The following DOCK4 variants were observed in gnomAD, a reference collection of about 807,000 sequenced individuals.
DOCK4 encodes dedicator of cytokinesis protein 4.
In DOCK4, 97 loss-of-function variants were observed where a neutral mutation model predicts 268.1. The observed-to-expected ratio is 0.36, with a 90% CI of 0.31 to 0.43. DOCK4 has a LOEUF of 0.43. DOCK4 is among the 20% of genes least tolerant of loss of function. The pLI, the probability that DOCK4 is intolerant of heterozygous loss-of-function variation, is 1.00. For missense variants in DOCK4, 2,145 were observed against 2,455.7 expected (o/e 0.87, Z 2.67); for synonymous variants, 954 against 887.2 (o/e 1.08, Z -1.34).
At chr7:112,174,158 C>A (rs1586974905) in intron 1 of DOCK4, among the ~76,000 whole-genome samples, 2 of 152,260 alleles carry the variant, frequency 1.3e-5, no homozygotes, top group East Asian at 3.9e-4. Context: ...ACCTTCAACT[C>A]TTTGGTCGGC....
rs1808699181 is a variant in DOCK4 at position 111,895,810 on chromosome 7, T to C, written c.1481-92A>G. The C allele has an allele frequency of 7.0e-6, 8 of 1,149,850 alleles. No individual in the cohort carries two copies. In the South Asian group the frequency reaches 8.9e-5, roughly 13 times the overall value. The allele number at this position is 1,149,850 out of a possible 1,614,324, so 71.2% of individuals were successfully genotyped here. A position where few individuals can be genotyped will look rare whatever the true frequency, so the allele number is the denominator to read the frequency against. On this transcript the variant is annotated intron_variant, in intron 15 of 52. Transcript: ENST00000428084. ...CATAATCATCGAGAAATATAACTCA[T>C]ACACAACAGTTCCCACTACACAATG...
At chr7:112,054,386 T>G (rs895462948) in intron 1 of DOCK4, among the ~76,000 whole-genome samples, 1 of 152,142 alleles carries the variant, frequency 6.6e-6, no homozygotes, top group Admixed American at 6.5e-5. Context: ...CATGTATCTT[T>G]ACCACAACTG....
chr7:111,827,496 T>C (rs963843584), intron 26 of DOCK4, among the ~76,000 whole-genome samples: 1 of 151,960 alleles, frequency 6.6e-6, no homozygotes, highest in East Asian at 1.9e-4. Flanking sequence ...TGAGAGTGCA[T>C]TATTGCACGC....
chr7:112,204,420 TC>T (rs770340447), intron 1 of DOCK4, among the ~76,000 whole-genome samples: 1 of 152,134 alleles, frequency 6.6e-6, no homozygotes, highest in Non-Finnish European at 1.5e-5. Context: ...TGCCCTCGGG[TC>T]CCTCACCAGT....
chr7:112,190,909 T>C (rs2523026), intron 1 of DOCK4, among the ~76,000 whole-genome samples: 5,093 of 152,168 alleles, frequency 0.033, 281 homozygotes, highest in African/African-American at 0.12. Context: ...TCTCTGAGCA[T>C]AGATGAAGCA....
chr7:111,788,715 G>C lies in DOCK4; in HGVS notation c.3348C>G (p.Ser1116Arg). Residue 1116 changes from serine to arginine, a missense_variant, in exon 32 of 53, where the codon AGC becomes AGG. Around this residue, in one of 2 missense-constraint regions of DOCK4, gnomAD observed 1,598 missense variants for 1,986.7 expected, o/e 0.80. Coordinates refer to ENST00000428084, the MANE Select transcript of DOCK4 (RefSeq NM_001363540.2). ...CGTCACCTTTGCCTTCTGACATCAG[G>C]CTATCCAGTTTGTCAATTAGCTTGG... ...VEAKLIDKLDSLMSEGKGDET... is the reference protein window; with the variant it reads ...VEAKLIDKLDRLMSEGKGDET... 1 of 1,593,612 alleles carries C rather than the reference G, an allele frequency of 6.3e-7. No homozygotes were observed. The highest frequency in any genetic ancestry group is 8.6e-7 in the Non-Finnish European group (1 of 1,168,804).
At chr7:111,926,190 T>A (rs1793637834) in intron 12 of DOCK4, among the ~76,000 whole-genome samples, 2 of 136,812 alleles carry the variant, frequency 1.5e-5, no homozygotes, top group Admixed American at 7.4e-5. Flanking sequence ...GCGGGCAAGG[T>A]GGGCAGATCA....
rs952577211 is a variant in DOCK4, at chr7:112,164,119, C to T, written c.37+41983G>A. Among the ~76,000 whole-genome samples, 4 of 152,096 alleles carry T rather than the reference C, an allele frequency of 2.6e-5. 1 individual carries two copies. In the South Asian group the frequency reaches 6.2e-4, roughly 24 times the overall value. On this transcript the variant is annotated intron_variant, in intron 1 of 52. Coordinates refer to ENST00000428084, the MANE Select transcript of DOCK4 (RefSeq NM_001363540.2). ...ACAACATAGAGAAACACCATCACTA[C>T]CAAAAAAATTTTTTTAATTAGCTGG...
chr7:112,046,248 T>C (rs1804814454), intron 1 of DOCK4, among the ~76,000 whole-genome samples: 1 of 152,152 alleles, frequency 6.6e-6, no homozygotes, highest in South Asian at 2.1e-4. Context: ...ATCAACCAAA[T>C]TTATACAAGT....
At chr7:111,767,227 CTTTT>C (rs372483378) in intron 37 of DOCK4, 109 bp from the exon 38 acceptor site, 1,312 of 462,798 alleles carry the variant, frequency 2.8e-3, no homozygotes, top group East Asian at 4.1e-3. Flanking sequence ...ACTCCTTAAT[CTTTT>C]TTTTTTTTTT....
intron 9 of DOCK4, 35 bp from the exon 10 acceptor site, chr7:111,944,906 C>T (rs759811159): frequency 3.1e-6 from 5 of 1,595,920 alleles, no homozygotes; most frequent in Non-Finnish European, 4.3e-6. Context: ...TTTTGGAAGA[C>T]ATGAGCGGCA....
Position 111,840,738 on chromosome 7 carries a change from C to T in DOCK4, c.2736+4025G>A, listed in dbSNP as rs767044058. On this transcript the variant is annotated intron_variant, in intron 25 of 52. Transcript: ENST00000428084. Reference sequence around the variant, plus strand: ...AGCACTGGAAGAATTCACAATGGCACATTGTGGGATCTGCGTTTACTCACA... The same window carrying T: ...AGCACTGGAAGAATTCACAATGGCATATTGTGGGATCTGCGTTTACTCACA... 4 of 1,176,058 alleles carry T rather than the reference C, an allele frequency of 3.4e-6. No homozygotes were observed. The East Asian group carries it at 1.8e-4, about 52-fold the overall frequency. 72.9% of individuals were successfully genotyped at this position (1,176,058 alleles called of 1,614,324 possible).
At chr7:112,140,011 G>A (rs1814745590) in intron 1 of DOCK4, among the ~76,000 whole-genome samples, 1 of 152,112 alleles carries the variant, frequency 6.6e-6, no homozygotes, top group Non-Finnish European at 1.5e-5. Flanking sequence ...TCCCCTTACA[G>A]TTAAGATGAG....
chr7:112,110,078 A>C (rs1357102353), intron 1 of DOCK4, among the ~76,000 whole-genome samples: 56 of 152,340 alleles, frequency 3.7e-4, no homozygotes. Flanking sequence ...TTGTATCCAT[A>C]GCAAAGTCAT....
chr7:111,776,460 G>A (rs1352239188), intron 36 of DOCK4, among the ~76,000 whole-genome samples: 2 of 152,084 alleles, frequency 1.3e-5, no homozygotes, highest in African/African-American at 4.8e-5. Flanking sequence ...AAAATCAGTG[G>A]ACTTAACTCA....
At chr7:112,042,179 C>T (rs1344624603) in intron 1 of DOCK4, among the ~76,000 whole-genome samples, 6 of 151,902 alleles carry the variant, frequency 3.9e-5, no homozygotes, top group African/African-American at 9.7e-5. Context: ...TTTGATGGAA[C>T]GAAAATAATA....
At chr7:112,165,398 A>G (rs1817503262) in intron 1 of DOCK4, among the ~76,000 whole-genome samples, 1 of 151,976 alleles carries the variant, frequency 6.6e-6, no homozygotes, top group South Asian at 2.1e-4. Context: ...TAGCTCCCAC[A>G]TATGAGAACA....
intron 1 of DOCK4, among the ~76,000 whole-genome samples, chr7:112,100,567 T>C (rs1810585241): frequency 6.6e-6 from 1 of 152,178 alleles, no homozygotes; most frequent in Non-Finnish European, 1.5e-5. Context: ...CGAGAAAGCT[T>C]TTCCTGACTT....
intron 39 of DOCK4, among the ~76,000 whole-genome samples, chr7:111,762,757 G>C (rs975474030): frequency 7.3e-5 from 4 of 55,010 alleles, no homozygotes; most frequent in African/African-American, 2.0e-4. Flanking sequence ...ATTTTGTTTT[G>C]TTTTCTTTTT....
Sources: gnomAD v4.1 joint callset for allele counts (sites outside exome capture counted in the v4.1 genomes callset) on GRCh38, gnomAD v4.1.1 for gene constraint, gnomAD v4.1.1 regional missense constraint, MANE v1.5 for transcripts, NCBI Gene and HGNC (gene_info 2026-07-23, HGNC 2026-07-21) for gene names.